ITPR1: variants seen among roughly 807,000 people sequenced by gnomAD.
The protein encoded by ITPR1 is inositol 1,4,5-trisphosphate-gated calcium channel ITPR1.
In ITPR1, 96 loss-of-function variants were observed where a neutral mutation model predicts 318.4. That is an observed-to-expected ratio of 0.30 (90% CI 0.26 to 0.36). The LOEUF is 0.36. Ranked by LOEUF, ITPR1 falls within the 10% of genes least tolerant of loss-of-function variation. The pLI is 1.00. For synonymous variants in ITPR1, 1,312 were observed against 1,289.9 expected, an observed-to-expected ratio of 1.02 and a Z score of -0.37; for missense variants, 2,440 against 3,460.2, an observed-to-expected ratio of 0.71 and a Z score of 7.40.
intron 5 of ITPR1, among the ~76,000 whole-genome samples, chr3:4,628,126 G>C (rs1273452911): frequency 6.6e-6 from 1 of 152,198 alleles, no homozygotes; most frequent in Non-Finnish European, 1.5e-5. Context: ...GGATGGAGAA[G>C]TGGTTATGAG....
intron 55 of ITPR1, among the ~76,000 whole-genome samples, chr3:4,809,873 A>T (rs1267577650): frequency 6.6e-6 from 1 of 152,232 alleles, no homozygotes; most frequent in Non-Finnish European, 1.5e-5. Flanking sequence ...TTTAACCAAC[A>T]TTAACAGCAA....
chr3:4,587,591 G>A (rs189498081), intron 4 of ITPR1, among the ~76,000 whole-genome samples: 166 of 152,260 alleles, frequency 1.1e-3, no homozygotes, highest in Non-Finnish European at 1.9e-3. Context: ...ATTTTGAGTA[G>A]CTGGGGTCTG....
chr3:4,556,598 A>G (rs1313877520), intron 4 of ITPR1, among the ~76,000 whole-genome samples: 3 of 151,496 alleles, frequency 2.0e-5, no homozygotes, highest in Non-Finnish European at 4.4e-5. Flanking sequence ...TCTTTCACTC[A>G]GTATGTGCAT....
intron 6 of ITPR1, among the ~76,000 whole-genome samples, 163 bp downstream of exon 6, chr3:4,639,633 C>T (rs751931790): frequency 1.3e-5 from 2 of 152,192 alleles, no homozygotes; most frequent in Non-Finnish European, 2.9e-5. Flanking sequence ...ATGTGATAGA[C>T]TCTTTGGGCT....
chr3:4,547,704 T>C (rs749334687), intron 4 of ITPR1, among the ~76,000 whole-genome samples: 2 of 152,172 alleles, frequency 1.3e-5, no homozygotes, highest in African/African-American at 2.4e-5. Flanking sequence ...AAAAGGTTGA[T>C]TCCCAACCCC....
In ITPR1 at chr3:4,500,156, G is replaced by A. The variant is rs991982441; in HGVS notation, c.-17+5650G>A. ...TATTTCTTATCCCAGACCAAGAATC[G>A]GCCTTTTCTCCAAGGAGCCTTTGCT... On this transcript the variant is annotated intron_variant, in intron 2 of 61. Coordinates refer to ENST00000649015, the MANE Select transcript of ITPR1 (RefSeq NM_001378452.1). Among the ~76,000 whole-genome samples, 16 of 152,218 alleles carry A rather than the reference G, an allele frequency of 1.1e-4. No homozygotes were observed. In the South Asian group the frequency reaches 3.1e-3, roughly 30 times the overall value.
Position 4,532,756 on chromosome 3 carries a change from TC to T in ITPR1, c.163+11664del, listed in dbSNP as rs536306452. On this transcript the variant is annotated intron_variant, in intron 4 of 61. Coordinates refer to ENST00000649015, the MANE Select transcript of ITPR1 (RefSeq NM_001378452.1). ...GTTATCTTCCCTTATTTTATGGCTG[TC>T]CTATAGAAGACAGATGTTCTGAGCC... Among the ~76,000 whole-genome samples, 990 of 152,302 alleles carry T rather than the reference TC, an allele frequency of 6.5e-3. 15 individuals carry two copies. The highest frequency in any genetic ancestry group is 0.023 in the African/African-American group (940 of 41,580).
chr3:4,796,079 T>C (rs1424598083), intron 53 of ITPR1, among the ~76,000 whole-genome samples: 1 of 152,156 alleles, frequency 6.6e-6, no homozygotes, highest in African/African-American at 2.4e-5. Flanking sequence ...AGTTTCAGGC[T>C]CCACTCTTTA....
At chr3:4,516,414 CT>C (rs1279904937) in intron 2 of ITPR1, 61 bp from the exon 3 acceptor site, 13 of 912,908 alleles carry the variant, frequency 1.4e-5, no homozygotes, top group Admixed American at 5.6e-5. Flanking sequence ...CTCTTAGTGA[CT>C]TTTTTCCCCT....
In ITPR1 at chr3:4,550,359, C is replaced by A. The variant is rs115153606; in HGVS notation, c.163+29265C>A. ...GTCCGCTGCCAGAGCGCTTGGTGAC[C>A]GTCCAACCCACAGACGCGCTGCCAT... On this transcript the variant is annotated intron_variant, in intron 4 of 61. Transcript: ENST00000649015. Among the ~76,000 whole-genome samples, 453 of 152,272 alleles carry A rather than the reference C, an allele frequency of 3.0e-3. 2 individuals carry two copies. Among genetic ancestry groups the A allele is most frequent in the Non-Finnish European group, 5.4e-3 (369 of 68,024 alleles).
At chr3:4,818,338 G>A in intron 60 of ITPR1, 96 bp downstream of exon 60, 2 of 976,296 alleles carry the variant, frequency 2.0e-6, no homozygotes, top group Non-Finnish European at 2.9e-6. Flanking sequence ...CACAACAGAA[G>A]AATAACATCC....
At chr3:4,644,082 A>T in intron 7 of ITPR1, 54 bp from the exon 8 acceptor site, 1 of 1,199,596 alleles carries the variant, frequency 8.3e-7, no homozygotes, top group Non-Finnish European at 1.2e-6. Context: ...CCAGTGGTCA[A>T]TCCGCAGTCC....
intron 23 of ITPR1, among the ~76,000 whole-genome samples, chr3:4,676,371 T>C (rs570977286): frequency 3.3e-4 from 50 of 151,932 alleles, no homozygotes; most frequent in Non-Finnish European, 7.1e-4. Flanking sequence ...AAATAAAATT[T>C]GATGGGCAAG....
rs754337111 is a variant in ITPR1 at position 4,699,957 on chromosome 3, C to T, written c.4536+16C>T. The T allele has an allele frequency of 1.6e-5, 26 of 1,609,274 alleles. No homozygotes were observed. Among genetic ancestry groups the T allele is most frequent in the Admixed American group, 6.7e-5 (4 of 59,912 alleles). ...GACTTTGCAGGTAAGAAATAACCAA[C>T]GTCAAGCAGAATGTTCACGATACAC... On this transcript the variant is annotated intron_variant, in intron 35 of 61. Coordinates refer to ENST00000649015, the MANE Select transcript of ITPR1 (RefSeq NM_001378452.1).
intron 2 of ITPR1, among the ~76,000 whole-genome samples, chr3:4,500,375 G>GT (rs11351151): frequency 6.6e-6 from 1 of 151,818 alleles, no homozygotes; most frequent in Non-Finnish European, 1.5e-5. Context: ...AATCTTTTTT[G>GT]TTTTTTTGTA....
intron 4 of ITPR1, among the ~76,000 whole-genome samples, chr3:4,592,629 C>A (rs751456870): frequency 3.9e-5 from 6 of 152,138 alleles, no homozygotes; most frequent in Non-Finnish European, 7.4e-5. Flanking sequence ...ATCTTTGCTT[C>A]CCTCTAGGTG....
chr3:4,754,258 G>T (rs1210499415), intron 44 of ITPR1, among the ~76,000 whole-genome samples: 1 of 152,074 alleles, frequency 6.6e-6, no homozygotes, highest in Non-Finnish European at 1.5e-5. Flanking sequence ...CGCTCTCCAC[G>T]ATGCAGATTG....
chr3:4,671,889 G>A (rs1426913905), intron 20 of ITPR1: 1 of 152,084 alleles, frequency 6.6e-6, no homozygotes, highest in East Asian at 1.9e-4. Context: ...ATCATATGTA[G>A]TATTTTATCT....
chr3:4,493,725 G>A (rs964181716), intron 1 of ITPR1, 120 bp downstream of exon 1: 1 of 152,224 alleles, frequency 6.6e-6, no homozygotes, highest in Non-Finnish European at 1.5e-5. Flanking sequence ...CATGCATTTG[G>A]GGGTTCCTTT....
Sources: allele counts gnomAD v4.1 joint callset (sites outside exome capture counted in the v4.1 genomes callset), GRCh38; gene constraint gnomAD v4.1.1; transcripts MANE v1.5; gene names NCBI Gene and HGNC (gene_info 2026-07-23, HGNC 2026-07-21).